Variants in CR1L observed in about 807,000 individuals in gnomAD.
The protein encoded by CR1L is complement component receptor 1-like protein.
CR1L carries 59 observed loss-of-function variants against 62.3 expected under a neutral mutation model. The observed-to-expected ratio is 0.95, with a 90% CI of 0.77 to 1.18. The LOEUF (loss-of-function observed/expected upper bound fraction) is 1.18, where lower values mean the gene tolerates loss of function less well. CR1L is among the 50% of genes most tolerant of loss of function. The pLI, the probability that CR1L is intolerant of heterozygous loss-of-function variation, is 0.00. For missense variants in CR1L, 700 were observed against 702.8 expected, an observed-to-expected ratio of 1.00 and a Z score of 0.04; for synonymous variants, 279 against 248.7, an observed-to-expected ratio of 1.12 and a Z score of -1.15.
rs372814240 is a variant in CR1L at position 207,719,166 on chromosome 1, C to T, written c.1642+1475C>T. Among the ~76,000 whole-genome samples the T allele has an allele frequency of 8.6e-3, 1,196 of 139,534 alleles. 10 individuals are homozygous for T. Among genetic ancestry groups the T allele is most frequent in the South Asian group, 0.036 (155 of 4,318 alleles). 91.5% of individuals were successfully genotyped at this position (139,534 alleles called of 152,430 possible). Reference sequence around the variant, plus strand: ...GAGATATACCTAATGCTAGATGACACGTTAGTGGGTGCAGCGCACCAGCAT... The same window carrying T: ...GAGATATACCTAATGCTAGATGACATGTTAGTGGGTGCAGCGCACCAGCAT... On this transcript the variant is annotated intron_variant, in intron 11 of 11. Coordinates refer to ENST00000508064, the MANE Select transcript of CR1L (RefSeq NM_175710.2).
At chr1:207,722,473 T>G (rs1277479407) in intron 11 of CR1L, among the ~76,000 whole-genome samples, 3 of 146,880 alleles carry the variant, frequency 2.0e-5, no homozygotes, top group Non-Finnish European at 4.5e-5. Context: ...TGCTTGTTTT[T>G]GTCAGGTTTG....
intron 1 of CR1L, among the ~76,000 whole-genome samples, chr1:207,660,561 G>A (rs1005356919): frequency 1.3e-5 from 2 of 152,184 alleles, no homozygotes; most frequent in Non-Finnish European, 2.9e-5. Flanking sequence ...CTTGCTAGCA[G>A]TCTATCAATT....
intron 9 of CR1L, among the ~76,000 whole-genome samples, chr1:207,706,926 A>C (rs893278250): frequency 1.3e-5 from 2 of 152,230 alleles, no homozygotes; most frequent in Admixed American, 6.5e-5. Flanking sequence ...GTGAAGTCAT[A>C]GAATATATCA....
Position 207,694,515 on chromosome 1 carries a change from G to A in CR1L, c.626G>A (p.Ser209Asn). 1 of 1,613,602 alleles carries A rather than the reference G, an allele frequency of 6.2e-7. No individual in the cohort carries two copies. Among genetic ancestry groups the A allele is most frequent in the Middle Eastern group, 1.7e-4 (1 of 5,720 alleles). The change falls in exon 5 of 12, where the codon AGC becomes AAC. Residue 209 changes from serine (S) to asparagine (N), a missense_variant. By Grantham distance (46) the Ser-to-Asn change is conservative. Coordinates refer to ENST00000508064, the MANE Select transcript of CR1L (RefSeq NM_175710.2). ...GGTGAGCCCTCCATATACTGCACCA[G>A]CAAAGATGATCAAGTGGGCATCTGG... Reference protein sequence around the residue: ...LVGEPSIYCTSKDDQVGIWSG... With the variant: ...LVGEPSIYCTNKDDQVGIWSG...
intron 1 of CR1L, among the ~76,000 whole-genome samples, chr1:207,651,841 A>G (rs1663228367): frequency 1.3e-5 from 2 of 152,200 alleles, no homozygotes; most frequent in Non-Finnish European, 2.9e-5. Flanking sequence ...GAAAGGAAAA[A>G]CAATTCATGT....
chr1:207,699,182 T>A lies in CR1L; in HGVS notation c.1143-7T>A. On this transcript the variant is annotated splice_polypyrimidine_tract_variant and splice_region_variant and intron_variant, in intron 7 of 11. Transcript: ENST00000508064. Reference sequence around the variant, plus strand: ...AGCTCGCTATTCACTCCTATTTTCTTCTTTAGATTTCAATTAAAAGGCAGC... The same window carrying A: ...AGCTCGCTATTCACTCCTATTTTCTACTTTAGATTTCAATTAAAAGGCAGC... The A allele has an allele frequency of 1.2e-6, 2 of 1,613,598 alleles. No homozygotes were observed. Among genetic ancestry groups the A allele is most frequent in the Non-Finnish European group, 1.7e-6 (2 of 1,179,594 alleles).
chr1:207,696,561 T>G (rs1182727687), intron 5 of CR1L, among the ~76,000 whole-genome samples: 1 of 152,224 alleles, frequency 6.6e-6, no homozygotes, highest in Non-Finnish European at 1.5e-5. Flanking sequence ...AGGGAAACAC[T>G]GGGTGATGAG....
chr1:207,678,794 G>T (rs1663747774), intron 3 of CR1L, among the ~76,000 whole-genome samples: 1 of 152,068 alleles, frequency 6.6e-6, no homozygotes, highest in Non-Finnish European at 1.5e-5. Context: ...CAGAGCCAGA[G>T]CCAGATCCAT....
chr1:207,715,802 CCCTCCCACTTCAG>C (rs1653985598), intron 10 of CR1L, among the ~76,000 whole-genome samples: 1 of 151,928 alleles, frequency 6.6e-6, no homozygotes, highest in Middle Eastern at 3.2e-3. Flanking sequence ...GCTGTAGTGA[CCCTCCCACTTCAG>C]CCTCCCAGTA....
intron 11 of CR1L, among the ~76,000 whole-genome samples, chr1:207,719,528 T>A (rs1654084950): frequency 6.6e-6 from 1 of 152,058 alleles, no homozygotes; most frequent in South Asian, 2.1e-4. Context: ...AAGTGCAGCC[T>A]GGGCAGTATA....
intron 9 of CR1L, among the ~76,000 whole-genome samples, chr1:207,702,961 G>A (rs1199893839): frequency 6.6e-6 from 1 of 152,164 alleles, no homozygotes; most frequent in African/African-American, 2.4e-5. Context: ...CGGGTTGCCT[G>A]TAGTTCCAGC....
At position 207,687,066 on chromosome 1, in the gene CR1L, G is replaced by A. The variant is rs1349143509; in HGVS notation, c.463+3109G>A. Among the ~76,000 whole-genome samples, 4 of 152,248 alleles carry A rather than the reference G, an allele frequency of 2.6e-5. No individual in the cohort carries two copies. The East Asian group carries it at 5.8e-4, about 22-fold the overall frequency. On this transcript the variant is annotated intron_variant, in intron 4 of 11. Transcript: ENST00000508064. The stretch of plus-strand genomic sequence containing the variant: ...ACTAAGACATTGGGCAACCAGCACC[G>A]CCAATTAATTCCGGAACACTTTCAT...
intron 10 of CR1L, among the ~76,000 whole-genome samples, chr1:207,712,451 C>A (rs750202425): frequency 3.3e-5 from 5 of 152,172 alleles, no homozygotes; most frequent in African/African-American, 9.7e-5. Context: ...AACTATGAGG[C>A]CTTCAGCAGG....
intron 11 of CR1L, among the ~76,000 whole-genome samples, chr1:207,721,198 T>G (rs565800442): frequency 8.1e-4 from 123 of 152,270 alleles, no homozygotes; most frequent in African/African-American, 2.7e-3. Flanking sequence ...AAGTACCCTT[T>G]TTTTTTATTA....
intron 1 of CR1L, among the ~76,000 whole-genome samples, chr1:207,664,479 T>C (rs1468100127): frequency 6.6e-6 from 1 of 152,120 alleles, no homozygotes; most frequent in Non-Finnish European, 1.5e-5. Flanking sequence ...GTCCTGTAGG[T>C]TTTGAGGGGC....
chr1:207,715,783 A>G (rs1024059682), intron 10 of CR1L, among the ~76,000 whole-genome samples: 2 of 152,070 alleles, frequency 1.3e-5, no homozygotes, highest in Non-Finnish European at 2.9e-5. Context: ...TGCAGTTTCA[A>G]TGGCCTGGGC....
intron 1 of CR1L, among the ~76,000 whole-genome samples, chr1:207,651,524 T>A (rs1663223760): frequency 6.6e-6 from 1 of 152,208 alleles, no homozygotes; most frequent in Non-Finnish European, 1.5e-5. Context: ...CTATCTACTT[T>A]GGTCCTTCCA....
At chr1:207,716,395 A>C (rs905137036) in intron 10 of CR1L, among the ~76,000 whole-genome samples, 10 of 152,226 alleles carry the variant, frequency 6.6e-5, no homozygotes, top group African/African-American at 2.2e-4. Context: ...AAAATATCCC[A>C]AAATTCAGAA....
intron 1 of CR1L, chr1:207,669,632 C>T: frequency 1.0e-6 from 1 of 992,750 alleles, no homozygotes; most frequent in Non-Finnish European, 1.5e-6. Flanking sequence ...GCAGAGAACT[C>T]GCGTGCCGCG....
Sources: allele counts gnomAD v4.1 joint callset (sites outside exome capture counted in the v4.1 genomes callset), GRCh38; gene constraint gnomAD v4.1.1; transcripts MANE v1.5; gene names NCBI Gene and HGNC (gene_info 2026-07-23, HGNC 2026-07-21).